Variants in PHACTR1 observed in about 807,000 individuals in gnomAD.
The protein encoded by PHACTR1 is phosphatase and actin regulator 1, also known as RPEL repeat containing 1.
PHACTR1 carries 16 observed loss-of-function variants against 69.2 expected under a neutral mutation model. The ratio of observed to expected loss-of-function variants is 0.23; its 90% CI spans 0.16 to 0.35. The LOEUF (loss-of-function observed/expected upper bound fraction) is 0.35. Ranked by LOEUF, PHACTR1 falls within the 10% of genes least tolerant of loss-of-function variation. The probability of loss-of-function intolerance (pLI) is 1.00; values close to 1 mark genes in which losing one functional copy is unlikely to be tolerated. For missense variants in PHACTR1, 510 were observed against 734.7 expected, an observed-to-expected ratio of 0.69 and a Z score of 3.54; for synonymous variants, 312 against 284.5, an observed-to-expected ratio of 1.10 and a Z score of -0.97.
At chr6:12,763,714 CTGT>C (rs1768290319) in intron 4 of PHACTR1, among the ~76,000 whole-genome samples, 1 of 152,174 alleles carries the variant, frequency 6.6e-6, no homozygotes, top group Admixed American at 6.5e-5. Flanking sequence ...TAAGTAAAAG[CTGT>C]AAACAGCCCC....
intron 4 of PHACTR1, among the ~76,000 whole-genome samples, chr6:12,927,660 A>G (rs76237123): frequency 0.042 from 6,344 of 152,308 alleles, 259 homozygotes; most frequent in South Asian, 0.11. Flanking sequence ...AGCAAACAGC[A>G]TAGGTACCAT....
intron 10 of PHACTR1, among the ~76,000 whole-genome samples, chr6:13,254,265 C>A (rs753759377): frequency 3.0e-4 from 46 of 151,990 alleles, no homozygotes; most frequent in Non-Finnish European, 5.6e-4. Context: ...TAAAAAAAAA[C>A]CAACTGGGGT....
At chr6:12,832,146 G>A (rs945447427) in intron 4 of PHACTR1, among the ~76,000 whole-genome samples, 2 of 152,052 alleles carry the variant, frequency 1.3e-5, no homozygotes, top group African/African-American at 4.8e-5. Flanking sequence ...AAGGTTTAAT[G>A]AGTGTGCCAA....
chr6:12,750,489 C>G (rs6458438), intron 4 of PHACTR1, among the ~76,000 whole-genome samples: 1 of 143,248 alleles, frequency 7.0e-6, no homozygotes, highest in Non-Finnish European at 1.5e-5. Context: ...GGCAGTGGGG[C>G]GCTAGGGAAG....
chr6:13,237,707 C>T (rs144326262), intron 10 of PHACTR1, among the ~76,000 whole-genome samples: 132 of 152,320 alleles, frequency 8.7e-4, no homozygotes, highest in Non-Finnish European at 1.4e-3. Context: ...AGAAATGTGT[C>T]AGGCAATTTT....
chr6:13,120,614 C>T (rs926338513), intron 5 of PHACTR1, among the ~76,000 whole-genome samples: 32 of 152,252 alleles, frequency 2.1e-4, no homozygotes, highest in Admixed American at 1.7e-3. Context: ...AGTGTGGGAC[C>T]TCCTTGCTTC....
At chr6:12,755,563 AAAG>A (rs766672402) in intron 4 of PHACTR1, among the ~76,000 whole-genome samples, 10 of 152,222 alleles carry the variant, frequency 6.6e-5, no homozygotes, top group Non-Finnish European at 1.0e-4. Context: ...TTTTGAGTTA[AAAG>A]AAGAATGAAT....
intron 4 of PHACTR1, among the ~76,000 whole-genome samples, chr6:12,862,040 A>C (rs1305950133): frequency 1.3e-5 from 2 of 152,174 alleles, no homozygotes; most frequent in East Asian, 3.8e-4. Flanking sequence ...AGTGGAAGTA[A>C]AGGTGAGGGA....
intron 4 of PHACTR1, among the ~76,000 whole-genome samples, chr6:12,809,137 C>G (rs1313996776): frequency 6.6e-6 from 1 of 152,134 alleles, no homozygotes; most frequent in Non-Finnish European, 1.5e-5. Context: ...ATCCTCTTGC[C>G]TCAGCATCCC....
chr6:12,939,463 A>T (rs73723309), intron 4 of PHACTR1, among the ~76,000 whole-genome samples: 2 of 152,222 alleles, frequency 1.3e-5, no homozygotes, highest in African/African-American at 4.8e-5. Context: ...TCCCACATTT[A>T]ACAAGAGTGT....
chr6:13,233,397 G>A (rs1349728390), intron 10 of PHACTR1, among the ~76,000 whole-genome samples: 1 of 151,250 alleles, frequency 6.6e-6, no homozygotes, highest in Non-Finnish European at 1.5e-5. Context: ...CATTATGGTG[G>A]ATGGCAGGTG....
chr6:12,877,740 C>A (rs1437641708), intron 4 of PHACTR1, among the ~76,000 whole-genome samples: 1 of 152,188 alleles, frequency 6.6e-6, no homozygotes, highest in Non-Finnish European at 1.5e-5. Flanking sequence ...ATTCATGTCC[C>A]CACGCTGTGA....
At chr6:12,857,915 T>G (rs1216184873) in intron 4 of PHACTR1, among the ~76,000 whole-genome samples, 1 of 152,198 alleles carries the variant, frequency 6.6e-6, no homozygotes, top group Non-Finnish European at 1.5e-5. Flanking sequence ...ATTTACCACT[T>G]ATTCACAGTC....
At position 13,280,789 on chromosome 6, in the gene PHACTR1, C is replaced by T. The variant is rs186843043; in HGVS notation, c.1509+2460C>T. On this transcript the variant is annotated intron_variant, in intron 12 of 14. Transcript: ENST00000332995. ...ATCCCAGCACTTTGGGAGGCCGAGG[C>T]GGGCCTGACTTTGGCTGCAAAGATT... is the stretch of plus-strand genomic sequence containing the variant. 3.8e-5 allele frequency: 15 copies of T among 391,676 alleles called. No individual in the cohort carries two copies. In the East Asian group the frequency reaches 8.7e-4, roughly 23 times the overall value. The allele number at this position is 391,676 out of a possible 1,614,324, so 24.3% of individuals were successfully genotyped here.
intron 5 of PHACTR1, among the ~76,000 whole-genome samples, chr6:13,130,251 ACAAAC>A (rs1265019975): frequency 6.6e-6 from 1 of 152,130 alleles, no homozygotes; most frequent in Non-Finnish European, 1.5e-5. Flanking sequence ...AAAAACAAGA[ACAAAC>A]CAAACCCAAA....
intron 4 of PHACTR1, among the ~76,000 whole-genome samples, chr6:12,844,977 T>C (rs999060828): frequency 6.6e-6 from 1 of 152,182 alleles, no homozygotes. Flanking sequence ...ACAAATTAAC[T>C]GGTTACAGAA....
At chr6:13,060,643 A>G (rs1380151845) in intron 5 of PHACTR1, among the ~76,000 whole-genome samples, 1 of 152,166 alleles carries the variant, frequency 6.6e-6, no homozygotes, top group Non-Finnish European at 1.5e-5. Context: ...ACAGAATAAT[A>G]CATTTGGTGA....
intron 4 of PHACTR1, among the ~76,000 whole-genome samples, chr6:12,778,014 C>T (rs1321410720): frequency 3.3e-5 from 5 of 152,058 alleles, no homozygotes; most frequent in Non-Finnish European, 7.4e-5. Context: ...CTGTGTTGGC[C>T]CCACAGCAGC....
chr6:13,162,275 T>TTTTTG (rs1554142202), intron 6 of PHACTR1, among the ~76,000 whole-genome samples: 2 of 149,730 alleles, frequency 1.3e-5, no homozygotes, highest in Non-Finnish European at 3.0e-5. Context: ...ACTTTTGTTT[T>TTTTTG]TTTGTTTGTT....
Sources: gnomAD v4.1 joint callset for allele counts (sites outside exome capture counted in the v4.1 genomes callset) on GRCh38, gnomAD v4.1.1 for gene constraint, MANE v1.5 for transcripts, NCBI Gene and HGNC (gene_info 2026-07-23, HGNC 2026-07-21) for gene names.